Variants in PCDH9 observed in about 807,000 individuals in gnomAD.
PCDH9 encodes the protein protocadherin-9.
A neutral mutation model predicts 70.6 loss-of-function variants in PCDH9; 24 were observed. The ratio of observed to expected loss-of-function variants is 0.34; its 90% CI spans 0.25 to 0.48. PCDH9 has a LOEUF of 0.48. Ranked by LOEUF, PCDH9 falls within the 20% of genes least tolerant of loss-of-function variation. PCDH9 has a pLI of 0.99. For synonymous variants in PCDH9, 562 were observed against 558.5 expected (o/e 1.01, Z -0.09); for missense variants, 1,281 against 1,503.6 (o/e 0.85, Z 2.45).
intron 4 of PCDH9, among the ~76,000 whole-genome samples, chr13:66,616,850 C>T (rs2077362456): frequency 6.6e-6 from 1 of 152,136 alleles, no homozygotes; most frequent in Non-Finnish European, 1.5e-5. Flanking sequence ...TAGCATTCAG[C>T]TTATGATAAG....
chr13:66,377,918 A>G (rs1410035000), intron 4 of PCDH9, among the ~76,000 whole-genome samples: 1 of 152,010 alleles, frequency 6.6e-6, no homozygotes, highest in Non-Finnish European at 1.5e-5. Context: ...CTGTATTTTT[A>G]GGTGTAGTCA....
intron 3 of PCDH9, among the ~76,000 whole-genome samples, chr13:66,863,597 T>G (rs1453496179): frequency 6.6e-6 from 1 of 152,100 alleles, no homozygotes; most frequent in Admixed American, 6.5e-5. Flanking sequence ...GCCATTCTCT[T>G]GCCTCAGCCT....
At chr13:66,414,999 T>C (rs1019376639) in intron 4 of PCDH9, among the ~76,000 whole-genome samples, 1 of 152,160 alleles carries the variant, frequency 6.6e-6, no homozygotes, top group Non-Finnish European at 1.5e-5. Flanking sequence ...TATTCATAAC[T>C]TCTTAGCTAT....
rs544606864 is a variant in PCDH9, at chr13:66,927,738, T to C, written c.3037-24133A>G. Among the ~76,000 whole-genome samples the C allele has an allele frequency of 6.7e-4, 102 of 152,160 alleles. 1 individual carries two copies. The highest frequency in any genetic ancestry group is 6.3e-4 in the Non-Finnish European group (43 of 67,998). The stretch of plus-strand genomic sequence containing the variant: ...GTGTCTGTGTACTAATCTCTTCTTA[T>C]AAGGACACCAGTCATGTTGGATTAG... On this transcript the variant is annotated intron_variant, in intron 2 of 4. Coordinates refer to ENST00000377865, the MANE Select transcript of PCDH9 (RefSeq NM_203487.3).
At chr13:66,773,453 C>T (rs1388869590) in intron 3 of PCDH9, among the ~76,000 whole-genome samples, 2 of 151,172 alleles carry the variant, frequency 1.3e-5, no homozygotes, top group Non-Finnish European at 2.9e-5. Flanking sequence ...ACAGTGAAAC[C>T]CTGTGTCCAC....
chr13:66,360,124 C>T (rs1956444809), intron 4 of PCDH9, among the ~76,000 whole-genome samples: 2 of 152,068 alleles, frequency 1.3e-5, no homozygotes. Flanking sequence ...CAAAGCAGAG[C>T]TACTGCACAG....
Position 66,621,221 on chromosome 13 carries a change from A to G in PCDH9, c.3340+9989T>C, listed in dbSNP as rs79973092. On this transcript the variant is annotated intron_variant, in intron 4 of 4. Transcript: ENST00000377865. Reference sequence around the variant, plus strand: ...CAAAGTAAAGCAAAGATGATGGAAAATCACTCTGATGGTTATGTTACATTA... The same window carrying G: ...CAAAGTAAAGCAAAGATGATGGAAAGTCACTCTGATGGTTATGTTACATTA... Among the ~76,000 whole-genome samples, 6 of 152,158 alleles carry G rather than the reference A, an allele frequency of 3.9e-5. No homozygotes were observed. The East Asian group carries it at 9.7e-4, about 24-fold the overall frequency.
At chr13:66,513,064 C>T (rs528328807) in intron 4 of PCDH9, among the ~76,000 whole-genome samples, 1 of 152,212 alleles carries the variant, frequency 6.6e-6, no homozygotes, top group South Asian at 2.1e-4. Flanking sequence ...AGGAATCCAC[C>T]TGCCTGGACC....
chr13:66,695,388 G>T (rs1321793464), intron 3 of PCDH9, among the ~76,000 whole-genome samples: 1 of 152,068 alleles, frequency 6.6e-6, no homozygotes, highest in South Asian at 2.1e-4. Context: ...ATATCCCCAA[G>T]ACTGGGATAT....
chr13:66,745,956 G>A (rs2079356267), intron 3 of PCDH9, among the ~76,000 whole-genome samples: 2 of 152,014 alleles, frequency 1.3e-5, no homozygotes, highest in Non-Finnish European at 2.9e-5. Context: ...ATCGCCACCT[G>A]TTTAAAATTT....
intron 3 of PCDH9, among the ~76,000 whole-genome samples, chr13:66,733,954 C>A (rs2079110330): frequency 6.6e-6 from 1 of 152,144 alleles, no homozygotes; most frequent in Non-Finnish European, 1.5e-5. Context: ...AGAGGTCTGG[C>A]CTTTTCCCTT....
chr13:66,583,309 A>G (rs989497571), intron 4 of PCDH9, among the ~76,000 whole-genome samples: 4 of 152,122 alleles, frequency 2.6e-5, no homozygotes, highest in African/African-American at 9.7e-5. Flanking sequence ...TATCTACTCA[A>G]TGTTTAAGAA....
intron 3 of PCDH9, among the ~76,000 whole-genome samples, chr13:66,845,736 C>T (rs1258473712): frequency 1.3e-5 from 2 of 152,100 alleles, no homozygotes; most frequent in East Asian, 1.9e-4. Context: ...CCATATGGGC[C>T]GCCACTGCCA....
intron 2 of PCDH9, among the ~76,000 whole-genome samples, chr13:67,111,369 A>G (rs991368874): frequency 1.3e-5 from 2 of 151,922 alleles, no homozygotes; most frequent in African/African-American, 2.4e-5. Flanking sequence ...AGCTATGTAC[A>G]ATTTTACACA....
chr13:66,590,026 C>A (rs2077018129), intron 4 of PCDH9, among the ~76,000 whole-genome samples: 2 of 151,334 alleles, frequency 1.3e-5, no homozygotes, highest in African/African-American at 4.9e-5. Flanking sequence ...ATGTCATGAA[C>A]CAATTGGCTG....
At position 67,123,087 on chromosome 13, in the gene PCDH9, C is replaced by T. The variant is rs546891084; in HGVS notation, c.3036+102318G>A. On this transcript the variant is annotated intron_variant, in intron 2 of 4. Coordinates refer to ENST00000377865, the MANE Select transcript of PCDH9 (RefSeq NM_203487.3). ...TTAACATAATCATATTTTAAATTTG[C>T]TCAGTTCTTCCCTTCAAACATGGAA... is the stretch of plus-strand genomic sequence containing the variant. Among the ~76,000 whole-genome samples, 3 of 152,124 alleles carry T rather than the reference C, an allele frequency of 2.0e-5. No individual in the cohort carries two copies. The East Asian group carries it at 5.8e-4, about 29-fold the overall frequency.
intron 2 of PCDH9, chr13:67,214,935 G>GATATAT (rs66460017): frequency 0.031 from 2,769 of 88,904 alleles, 561 homozygotes; most frequent in Non-Finnish European, 0.037. Context: ...TTGCGAGCCA[G>GATATAT]ATATATATAT....
intron 2 of PCDH9, among the ~76,000 whole-genome samples, chr13:67,077,964 A>G (rs1290379745): frequency 1.3e-5 from 2 of 152,156 alleles, no homozygotes; most frequent in Non-Finnish European, 2.9e-5. Context: ...CCATTTGATG[A>G]AGTACACATT....
At chr13:66,525,628 G>A (rs1176395520) in intron 4 of PCDH9, among the ~76,000 whole-genome samples, 1 of 152,052 alleles carries the variant, frequency 6.6e-6, no homozygotes, top group Non-Finnish European at 1.5e-5. Flanking sequence ...GCTTTTTAAT[G>A]CCAAATTTCT....
Sources: allele counts gnomAD v4.1 joint callset (sites outside exome capture counted in the v4.1 genomes callset), GRCh38; gene constraint gnomAD v4.1.1; transcripts MANE v1.5; gene names NCBI Gene and HGNC (gene_info 2026-07-23, HGNC 2026-07-21).